The following ZBTB7C variants were observed in gnomAD, a reference collection of about 807,000 sequenced individuals.
ZBTB7C encodes zinc finger and BTB domain containing 7C.
In ZBTB7C, 8 loss-of-function variants were observed where a neutral mutation model predicts 25.7. That is an observed-to-expected ratio of 0.31 (90% CI 0.18 to 0.56). The LOEUF (loss-of-function observed/expected upper bound fraction) is 0.56. Ranked by LOEUF, ZBTB7C falls within the 20% of genes least tolerant of loss-of-function variation. The pLI, the probability that ZBTB7C is intolerant of heterozygous loss-of-function variation, is 0.91. For synonymous variants in ZBTB7C, 394 were observed against 369.0 expected (o/e 1.07, Z -0.78); for missense variants, 824 against 855.2 (o/e 0.96, Z 0.46).
chr18:48,258,070 A>G (rs1002211173), intron 2 of ZBTB7C, among the ~76,000 whole-genome samples: 7 of 152,192 alleles, frequency 4.6e-5, no homozygotes, highest in Admixed American at 1.3e-4. Flanking sequence ...CGCTTGGAAT[A>G]GAAAGAAACT....
At chr18:48,176,734 T>C (rs528941502) in intron 3 of ZBTB7C, among the ~76,000 whole-genome samples, 67 of 152,340 alleles carry the variant, frequency 4.4e-4, no homozygotes, top group African/African-American at 1.5e-3. Context: ...CTTTGGATTA[T>C]TTTTGTTTGC....
chr18:48,278,056 A>T (rs2044719208), intron 2 of ZBTB7C, among the ~76,000 whole-genome samples: 1 of 152,148 alleles, frequency 6.6e-6, no homozygotes, highest in Admixed American at 6.5e-5. Flanking sequence ...GCAATCTCCT[A>T]TCAAAAGGTG....
At chr18:48,135,106 C>T (rs2040106734) in intron 3 of ZBTB7C, among the ~76,000 whole-genome samples, 1 of 152,138 alleles carries the variant, frequency 6.6e-6, no homozygotes, top group Admixed American at 6.5e-5. Flanking sequence ...CTCACTTCAT[C>T]CAACCCTTTG....
intron 2 of ZBTB7C, among the ~76,000 whole-genome samples, chr18:48,221,703 T>A (rs1244252419): frequency 1.3e-5 from 2 of 148,688 alleles, no homozygotes; most frequent in South Asian, 2.2e-4. Flanking sequence ...AGTCTCCCTA[T>A]ACTGTCCAAG....
chr18:48,155,855 A>G (rs753470896), intron 3 of ZBTB7C, among the ~76,000 whole-genome samples: 56 of 152,300 alleles, frequency 3.7e-4, no homozygotes, highest in South Asian at 1.4e-3. Flanking sequence ...TTTAGATCTT[A>G]CTTTATCTCA....
At chr18:48,252,618 T>G (rs1249852595) in intron 2 of ZBTB7C, 6 of 152,408 alleles carry the variant, frequency 3.9e-5, no homozygotes, top group African/African-American at 1.4e-4. Context: ...GCCCCCCTTT[T>G]GTTTGTAGTC....
chr18:48,144,637 C>T (rs747808865), intron 3 of ZBTB7C, among the ~76,000 whole-genome samples: 7 of 152,176 alleles, frequency 4.6e-5, no homozygotes, highest in Non-Finnish European at 1.0e-4. Context: ...TGAGCCACTA[C>T]ACCAGGCCAA....
At chr18:48,167,052 C>A (rs2041273162) in intron 3 of ZBTB7C, among the ~76,000 whole-genome samples, 2 of 152,142 alleles carry the variant, frequency 1.3e-5, no homozygotes, top group African/African-American at 4.8e-5. Context: ...GCCCTTCTAC[C>A]CAAGCTGTCT....
At chr18:48,131,192 T>C (rs2039975393) in intron 3 of ZBTB7C, among the ~76,000 whole-genome samples, 1 of 152,218 alleles carries the variant, frequency 6.6e-6, no homozygotes, top group Non-Finnish European at 1.5e-5. Context: ...GCGTGAGCCA[T>C]GGCACCTGGC....
chr18:48,185,672 A>G (rs9964911), intron 3 of ZBTB7C, among the ~76,000 whole-genome samples: 67,199 of 151,920 alleles, frequency 0.44, 15,367 homozygotes, highest in Admixed American at 0.59. Flanking sequence ...CCGCACAGCA[A>G]TCGAGTCAAG....
chr18:48,248,257 G>C (rs1015618650), intron 2 of ZBTB7C, among the ~76,000 whole-genome samples: 1 of 152,092 alleles, frequency 6.6e-6, no homozygotes, highest in African/African-American at 2.4e-5. Flanking sequence ...ATTTTCCTGA[G>C]GCCTCCCCAG....
chr18:48,346,358 C>G (rs1208089735), intron 1 of ZBTB7C, among the ~76,000 whole-genome samples: 7 of 152,236 alleles, frequency 4.6e-5, no homozygotes, highest in Non-Finnish European at 1.0e-4. Context: ...CCACCCCTTC[C>G]TCATAGTCAG....
chr18:48,213,204 T>C (rs2042743071), intron 2 of ZBTB7C, among the ~76,000 whole-genome samples: 1 of 152,248 alleles, frequency 6.6e-6, no homozygotes, highest in Non-Finnish European at 1.5e-5. Context: ...CTTTTTGCCC[T>C]AGACACAATC....
At chr18:48,063,436 G>T (rs2037200989) in intron 3 of ZBTB7C, among the ~76,000 whole-genome samples, 1 of 152,204 alleles carries the variant, frequency 6.6e-6, no homozygotes, top group African/African-American at 2.4e-5. Context: ...CTCTGCCCTG[G>T]GGCTCCCAGA....
At chr18:48,310,412 A>T (rs2045787978) in intron 2 of ZBTB7C, among the ~76,000 whole-genome samples, 1 of 148,636 alleles carries the variant, frequency 6.7e-6, no homozygotes, top group Admixed American at 6.7e-5. Context: ...CCAGAAATAT[A>T]AGTAGTGGAT....
intron 2 of ZBTB7C, among the ~76,000 whole-genome samples, chr18:48,309,821 G>C (rs529487115): frequency 2.0e-5 from 3 of 152,272 alleles, no homozygotes; most frequent in Non-Finnish European, 4.4e-5. Context: ...TACTCTAGTT[G>C]GTCAACTTCA....
chr18:48,333,230 T>C (rs1201439994), intron 2 of ZBTB7C, among the ~76,000 whole-genome samples: 1 of 152,186 alleles, frequency 6.6e-6, no homozygotes, highest in East Asian at 1.9e-4. Flanking sequence ...GCTTTCTTCC[T>C]CTCCCTGCTG....
intron 3 of ZBTB7C, chr18:48,169,652 G>A (rs566859434): frequency 2.6e-5 from 4 of 151,914 alleles, no homozygotes; most frequent in African/African-American, 9.7e-5. Context: ...AAATGGTGAG[G>A]AGAAAACACA....
chr18:48,207,899 A>G (rs2042616714), intron 2 of ZBTB7C, among the ~76,000 whole-genome samples: 1 of 152,204 alleles, frequency 6.6e-6, no homozygotes, highest in Non-Finnish European at 1.5e-5. Flanking sequence ...ACGGAGGTTT[A>G]AGAGGGAGCT....
Sources: gnomAD v4.1 joint callset for allele counts (sites outside exome capture counted in the v4.1 genomes callset) on GRCh38, gnomAD v4.1.1 for gene constraint, MANE v1.5 for transcripts, NCBI Gene and HGNC (gene_info 2026-07-23, HGNC 2026-07-21) for gene names.